The following TNFSF13B variants were observed in gnomAD, a reference collection of about 807,000 sequenced individuals.
TNFSF13B encodes tumor necrosis factor ligand superfamily member 13B.
In TNFSF13B, 8 loss-of-function variants were observed where a neutral mutation model predicts 29.1. That is an observed-to-expected ratio of 0.27 (90% CI 0.16 to 0.50). TNFSF13B has a LOEUF of 0.50. Among genes scored for constraint, TNFSF13B ranks in the 20% least tolerant of loss-of-function variants. The pLI is 0.98. For missense variants in TNFSF13B, 248 were observed against 334.9 expected, an observed-to-expected ratio of 0.74 and a Z score of 2.03; for synonymous variants, 125 against 130.8, an observed-to-expected ratio of 0.96 and a Z score of 0.30.
intron 5 of TNFSF13B, among the ~76,000 whole-genome samples, chr13:108,304,941 T>C (rs969269709): frequency 1.4e-4 from 22 of 152,126 alleles, no homozygotes; most frequent in Non-Finnish European, 2.6e-4. Context: ...TATTTATAAA[T>C]GGTGAGACTA....
chr13:108,281,273 A>G (rs1339697852), intron 2 of TNFSF13B, among the ~76,000 whole-genome samples: 1 of 152,104 alleles, frequency 6.6e-6, no homozygotes, highest in Non-Finnish European at 1.5e-5. Flanking sequence ...AAAGAAAATT[A>G]TCATTTGAAG....
intron 2 of TNFSF13B, among the ~76,000 whole-genome samples, chr13:108,273,872 C>T (rs1453957584): frequency 1.3e-5 from 2 of 152,048 alleles, no homozygotes; most frequent in Non-Finnish European, 2.9e-5. Flanking sequence ...GTTTGAACCG[C>T]GAGGGTCCCC....
rs1274987220 is a variant in TNFSF13B, at chr13:108,308,378, C to T, written c.*1440C>T. On this transcript the variant is annotated 3_prime_UTR_variant, in exon 6 of 6. Transcript: ENST00000375887. ...TACATTATAATTTAAAAAGAAGAAG[C>T]GATAAGTGGAGTCAGTTTCAATGCT... is the stretch of plus-strand genomic sequence containing the variant. 5 of 151,810 alleles carry T rather than the reference C, an allele frequency of 3.3e-5. No individual in the cohort carries two copies. Among genetic ancestry groups the T allele is most frequent in the East Asian group, 1.9e-4 (1 of 5,182 alleles). 9.4% of individuals were successfully genotyped at this position (151,810 alleles called of 1,614,324 possible). A position where few individuals can be genotyped will look rare whatever the true frequency, so the allele number is the denominator to read the frequency against.
Position 108,286,837 on chromosome 13 carries a change from T to G in TNFSF13B, c.459T>G (p.Ser153Arg). The change falls in exon 3 of 6, where the codon AGT becomes AGG. Residue 153 changes from serine (S) to arginine (R), a missense_variant. Ser to Arg is a moderately radical substitution (Grantham distance 110). Coordinates refer to ENST00000375887, the MANE Select transcript of TNFSF13B (RefSeq NM_006573.5). Reference sequence around the variant, plus strand: ...ACTGCTTGCAACTGATTGCAGACAGTGAAACACCAACTATACAAAAAGGTA... The same window carrying G: ...ACTGCTTGCAACTGATTGCAGACAGGGAAACACCAACTATACAAAAAGGTA... The part of the protein sequence containing the change: ...TQDCLQLIAD[S>R]ETPTIQKGSY... 1 of 1,571,870 alleles carries G rather than the reference T, an allele frequency of 6.4e-7. No homozygotes were observed. The highest frequency in any genetic ancestry group is 8.7e-7 in the Non-Finnish European group (1 of 1,154,168).
chr13:108,281,115 A>G (rs772111540), intron 2 of TNFSF13B, among the ~76,000 whole-genome samples: 18 of 152,212 alleles, frequency 1.2e-4, no homozygotes, highest in African/African-American at 3.4e-4. Context: ...GTGTGGTGGC[A>G]CATGCCTGTA....
At position 108,303,073 on chromosome 13, in the gene TNFSF13B, G is replaced by C. The variant is rs1881671031; in HGVS notation, c.482-180G>C. ...TAACCCAGGTTAACATATAAGTGAT[G>C]GCAAAGAATCCAGTGCAGTAATGTG... On this transcript the variant is annotated intron_variant, in intron 3 of 5. Coordinates refer to ENST00000375887, the MANE Select transcript of TNFSF13B (RefSeq NM_006573.5). Among the ~76,000 whole-genome samples, 3 of 152,020 alleles carry C rather than the reference G, an allele frequency of 2.0e-5. No individual in the cohort carries two copies. The South Asian group carries it at 6.2e-4, about 31-fold the overall frequency.
intron 3 of TNFSF13B, among the ~76,000 whole-genome samples, chr13:108,289,525 TATATTATTA>T (rs1483675903): frequency 6.7e-6 from 1 of 148,856 alleles, no homozygotes; most frequent in Non-Finnish European, 1.5e-5. Flanking sequence ...AAGATAATAA[TATATTATTA>T]ATATTATTAG....
chr13:108,285,664 AC>A (rs1881106884), intron 2 of TNFSF13B, among the ~76,000 whole-genome samples: 1 of 152,200 alleles, frequency 6.6e-6, no homozygotes, highest in Non-Finnish European at 1.5e-5. Context: ...GCAGTGCATG[AC>A]TGTATTAGAA....
At chr13:108,281,618 C>A (rs976521538) in intron 2 of TNFSF13B, among the ~76,000 whole-genome samples, 4 of 152,154 alleles carry the variant, frequency 2.6e-5, no homozygotes, top group African/African-American at 9.6e-5. Context: ...TCCTCAAGTA[C>A]AAGGTCTGTC....
intron 2 of TNFSF13B, among the ~76,000 whole-genome samples, chr13:108,272,605 G>T (rs1392089258): frequency 6.6e-5 from 10 of 151,406 alleles, no homozygotes; most frequent in Non-Finnish European, 1.3e-4. Context: ...GTATTAAATA[G>T]TTCTTTTTAA....
intron 2 of TNFSF13B, among the ~76,000 whole-genome samples, chr13:108,274,347 A>G (rs1406827993): frequency 1.7e-5 from 2 of 118,770 alleles, no homozygotes; most frequent in Admixed American, 9.3e-5. Context: ...AAATATATGT[A>G]CAAATATATA....
rs1880667390 is a variant in TNFSF13B, at chr13:108,273,158, G to A, written c.424+2734G>A. ...TTTTTAATAAACCTTAATACAGTGT[G>A]CATATAGGTATATATTGCACACAGT... On this transcript the variant is annotated intron_variant, in intron 2 of 5. Coordinates refer to ENST00000375887, the MANE Select transcript of TNFSF13B (RefSeq NM_006573.5). Among the ~76,000 whole-genome samples the A allele has an allele frequency of 2.0e-5, 3 of 151,944 alleles. No individual in the cohort carries two copies. In the South Asian group the frequency reaches 6.2e-4, roughly 31 times the overall value.
intron 3 of TNFSF13B, among the ~76,000 whole-genome samples, chr13:108,288,224 C>G (rs904367841): frequency 1.3e-5 from 2 of 152,108 alleles, no homozygotes; most frequent in Non-Finnish European, 2.9e-5. Context: ...AAGAACCATT[C>G]GTTCACTCAC....
At chr13:108,302,694 A>G (rs781780180) in intron 3 of TNFSF13B, 9 of 399,794 alleles carry the variant, frequency 2.3e-5, no homozygotes, top group Non-Finnish European at 3.1e-5. Flanking sequence ...TGAAACTCAA[A>G]TATCATAGAT....
At chr13:108,296,723 A>G (rs1179292992) in intron 3 of TNFSF13B, among the ~76,000 whole-genome samples, 2 of 145,178 alleles carry the variant, frequency 1.4e-5, no homozygotes, top group Non-Finnish European at 3.1e-5. Context: ...ATAGACTTTT[A>G]TAAGTACATC....
In TNFSF13B at chr13:108,304,489, G is replaced by A. The variant is rs16972241; in HGVS notation, c.745+885G>A. The stretch of plus-strand genomic sequence containing the variant: ...GCACGGCAGATCTTGTAAACTTTAG[G>A]TCTGTTTCAGCTGTAATTGCCAACA... On this transcript the variant is annotated intron_variant, in intron 5 of 5. Transcript: ENST00000375887. Among the ~76,000 whole-genome samples the A allele has an allele frequency of 7.4e-3, 1,126 of 152,218 alleles. 8 individuals are homozygous for A. The highest frequency in any genetic ancestry group is 0.026 in the African/African-American group (1,096 of 41,538).
intron 2 of TNFSF13B, among the ~76,000 whole-genome samples, chr13:108,275,566 A>T (rs1256941048): frequency 1.3e-5 from 2 of 152,150 alleles, no homozygotes; most frequent in Non-Finnish European, 2.9e-5. Context: ...AAGCAAGAAT[A>T]GAAAAAATTG....
intron 2 of TNFSF13B, among the ~76,000 whole-genome samples, chr13:108,284,146 G>A (rs990425741): frequency 1.3e-5 from 2 of 152,260 alleles, no homozygotes; most frequent in Middle Eastern, 3.4e-3. Context: ...TGGCTAACAC[G>A]ATGAAAGCCC....
intron 2 of TNFSF13B, among the ~76,000 whole-genome samples, chr13:108,277,390 T>C (rs1880791533): frequency 6.6e-6 from 1 of 152,192 alleles, no homozygotes; most frequent in Admixed American, 6.5e-5. Context: ...AAATGGATAT[T>C]GCTATTCCCA....
Sources: gnomAD v4.1 joint callset for allele counts (sites outside exome capture counted in the v4.1 genomes callset) on GRCh38, gnomAD v4.1.1 for gene constraint, MANE v1.5 for transcripts, NCBI Gene and HGNC (gene_info 2026-07-23, HGNC 2026-07-21) for gene names.